The following KIF26B variants were observed in gnomAD, a reference collection of about 807,000 sequenced individuals.
KIF26B encodes the protein kinesin-like protein KIF26B.
Under a neutral mutation model 151.2 loss-of-function variants are expected in KIF26B, and 63 were observed. The ratio of observed to expected loss-of-function variants is 0.42; its 90% confidence interval spans 0.34 to 0.51. The LOEUF is 0.51. Ranked by LOEUF, KIF26B falls within the 20% of genes least tolerant of loss-of-function variation. The pLI is 0.07. For missense variants in KIF26B, 2,813 were observed against 2,913.6 expected (o/e 0.97, Z 0.79); for synonymous variants, 1,357 against 1,262.1 (o/e 1.08, Z -1.59).
At chr1:245,623,944 CCA>C (rs1336968524) in intron 9 of KIF26B, among the ~76,000 whole-genome samples, 1 of 151,970 alleles carries the variant, frequency 6.6e-6, no homozygotes, top group Non-Finnish European at 1.5e-5. Flanking sequence ...ATTGTAATTC[CCA>C]GTGTTGGGGG....
At chr1:245,250,427 C>T (rs1670422096) in intron 2 of KIF26B, among the ~76,000 whole-genome samples, 1 of 152,136 alleles carries the variant, frequency 6.6e-6, no homozygotes, top group Non-Finnish European at 1.5e-5. Context: ...ATTTACTTAG[C>T]TTTTCTTCCT....
At chr1:245,235,402 G>A (rs1042958953) in intron 2 of KIF26B, among the ~76,000 whole-genome samples, 5 of 151,816 alleles carry the variant, frequency 3.3e-5, no homozygotes, top group African/African-American at 4.8e-5. Flanking sequence ...GACCAGTCTC[G>A]GCAACATAGC....
At chr1:245,449,637 C>T (rs1334660915) in intron 4 of KIF26B, among the ~76,000 whole-genome samples, 2 of 152,128 alleles carry the variant, frequency 1.3e-5, no homozygotes, top group Admixed American at 1.3e-4. Flanking sequence ...ACCTGGCTAG[C>T]CCGAAGCTCT....
chr1:245,539,819 AT>A (rs1471746446), intron 4 of KIF26B, among the ~76,000 whole-genome samples: 1 of 151,992 alleles, frequency 6.6e-6, no homozygotes, highest in Non-Finnish European at 1.5e-5. Context: ...CACCCGGCTA[AT>A]TTTTGTATTT....
At chr1:245,638,280 T>C (rs1005479324) in intron 9 of KIF26B, among the ~76,000 whole-genome samples, 1 of 151,898 alleles carries the variant, frequency 6.6e-6, no homozygotes, top group African/African-American at 2.4e-5. Context: ...TCCTTTCAGA[T>C]TGATCACAGA....
rs531235757 is a variant in KIF26B at position 245,606,332 on chromosome 1, G to C, written c.1558-1319G>C. 6.6e-6 allele frequency among the ~76,000 whole-genome samples: 1 copy of C among 152,100 alleles called. No homozygotes were observed. The highest frequency in any genetic ancestry group is 1.5e-5 in the Non-Finnish European group (1 of 68,022). On this transcript the variant is annotated intron_variant, in intron 6 of 14. Coordinates refer to ENST00000407071, the MANE Select transcript of KIF26B (RefSeq NM_018012.4). This position sits in a 1 kb window ranked among gnomAD's most constrained non-coding sequence, Gnocchi z 4.6. ...TGTGCTGCTGAATAACAACATTCAC[G>C]GCCCAGGTGCCCACCGGGAGGCACG... is the stretch of plus-strand genomic sequence containing the variant.
chr1:245,342,972 G>A (rs1672366529), intron 2 of KIF26B, among the ~76,000 whole-genome samples: 1 of 151,586 alleles, frequency 6.6e-6, no homozygotes, highest in Admixed American at 6.6e-5. Flanking sequence ...TGTAATTCCA[G>A]CTACTTGGGA....
intron 2 of KIF26B, among the ~76,000 whole-genome samples, chr1:245,287,664 C>T (rs1022887564): frequency 6.6e-6 from 1 of 151,908 alleles, no homozygotes; most frequent in African/African-American, 2.4e-5. Context: ...TCACCACGCC[C>T]GGCTAATTTT....
At chr1:245,608,460 C>T (rs1228700433) in intron 7 of KIF26B, among the ~76,000 whole-genome samples, 1 of 152,238 alleles carries the variant, frequency 6.6e-6, no homozygotes. Flanking sequence ...CCTCTCTCTG[C>T]ACTTCCGTCC....
intron 6 of KIF26B, among the ~76,000 whole-genome samples, chr1:245,604,654 C>T (rs1030401769): frequency 8.5e-5 from 13 of 152,080 alleles, no homozygotes; most frequent in African/African-American, 2.9e-4. Flanking sequence ...ACTATGAATG[C>T]GTTTTAGATT....
intron 2 of KIF26B, among the ~76,000 whole-genome samples, chr1:245,264,122 A>G (rs1670698671): frequency 6.6e-6 from 1 of 152,194 alleles, no homozygotes; most frequent in Admixed American, 6.5e-5. Context: ...TTCTCTCTTC[A>G]AAGTGTGTTC....
At chr1:245,480,302 G>T (rs947145384) in intron 4 of KIF26B, among the ~76,000 whole-genome samples, 4 of 151,194 alleles carry the variant, frequency 2.6e-5, no homozygotes, top group South Asian at 2.1e-4. Context: ...AAAAACTGCC[G>T]AACTACATGC....
rs557239028 is a variant in KIF26B, at chr1:245,375,209, C to T, written c.999+7842C>T. On this transcript the variant is annotated intron_variant, in intron 3 of 14. Coordinates refer to ENST00000407071, the MANE Select transcript of KIF26B (RefSeq NM_018012.4). The surrounding 1 kb of genome is among the most constrained non-coding windows in gnomAD (Gnocchi z 4.2). ...TCAAGCGATTCTCCTGCCTCAACCT[C>T]GGGATTACAGGCATGGACCACCATG... 8.8e-4 allele frequency among the ~76,000 whole-genome samples: 134 copies of T among 152,226 alleles called. No individual in the cohort carries two copies. The highest frequency in any genetic ancestry group is 1.6e-3 in the Non-Finnish European group (107 of 68,024).
Position 245,667,887 on chromosome 1 carries a change from G to GTTTGT in KIF26B, c.2259-16335_2259-16331dup, listed in dbSNP as rs547725688. ...CCTAATTCCTTAGCTGCTTCTGTTT[G>GTTTGT]TTTGTTTTGTTTTGTGTTTTTGAGA... On this transcript the variant is annotated intron_variant, in intron 10 of 14. Coordinates refer to ENST00000407071, the MANE Select transcript of KIF26B (RefSeq NM_018012.4). The surrounding 1 kb of genome is among the most constrained non-coding windows in gnomAD (Gnocchi z 4.3). 6.6e-6 allele frequency among the ~76,000 whole-genome samples: 1 copy of GTTTGT among 152,068 alleles called. No homozygotes were observed. Among genetic ancestry groups the GTTTGT allele is most frequent in the Admixed American group, 6.6e-5 (1 of 15,258 alleles).
chr1:245,610,083 CAG>C (rs1204135771), intron 8 of KIF26B, among the ~76,000 whole-genome samples: 2 of 152,206 alleles, frequency 1.3e-5, no homozygotes, highest in East Asian at 3.8e-4. Flanking sequence ...TGTTTGACAA[CAG>C]ATGTAGGAAT....
intron 2 of KIF26B, among the ~76,000 whole-genome samples, chr1:245,168,983 G>A (rs748071472): frequency 1.3e-5 from 2 of 152,090 alleles, no homozygotes; most frequent in Non-Finnish European, 2.9e-5. Flanking sequence ...CTAATACTTT[G>A]TATTTGAGTC....
intron 4 of KIF26B, among the ~76,000 whole-genome samples, chr1:245,461,807 C>G (rs1659654159): frequency 6.6e-6 from 1 of 152,218 alleles, no homozygotes. Context: ...ATCGTTTCCA[C>G]TATTGCCTCT....
chr1:245,165,297 G>A (rs1434547508), intron 2 of KIF26B, among the ~76,000 whole-genome samples: 1 of 152,200 alleles, frequency 6.6e-6, no homozygotes, highest in Non-Finnish European at 1.5e-5. Flanking sequence ...AGGGAGAAAA[G>A]ATGATGCATT....
chr1:245,458,912 G>A (rs1659594282), intron 4 of KIF26B, among the ~76,000 whole-genome samples: 1 of 152,178 alleles, frequency 6.6e-6, no homozygotes, highest in Non-Finnish European at 1.5e-5. Flanking sequence ...ACAAATAAGG[G>A]CATAGAATTA....
Sources: gnomAD v4.1 joint callset for allele counts (sites outside exome capture counted in the v4.1 genomes callset) on GRCh38, gnomAD v4.1.1 for gene constraint, Gnocchi (gnomAD v3.1) non-coding constraint, MANE v1.5 for transcripts, NCBI Gene and HGNC (gene_info 2026-07-23, HGNC 2026-07-21) for gene names.